Variants in ADAMTS12 observed in about 807,000 individuals in gnomAD.
ADAMTS12 encodes the protein A disintegrin and metalloproteinase with thrombospondin motifs 12.
A neutral mutation model predicts 167.8 loss-of-function variants in ADAMTS12; 118 were observed. The ratio of observed to expected loss-of-function variants is 0.70; its 90% confidence interval spans 0.61 to 0.82. ADAMTS12 has a LOEUF of 0.82. Among genes scored for constraint, ADAMTS12 ranks in the 40% least tolerant of loss-of-function variants. ADAMTS12 has a pLI of 0.00. For missense variants in ADAMTS12, 1,916 were observed against 1,998.8 expected (o/e 0.96, Z 0.79); for synonymous variants, 704 against 716.9 (o/e 0.98, Z 0.29).
intron 2 of ADAMTS12, among the ~76,000 whole-genome samples, chr5:33,808,656 A>G (rs1747331225): frequency 6.6e-6 from 1 of 152,258 alleles, no homozygotes. Flanking sequence ...CATAATTTGT[A>G]TAAGCATGTC....
chr5:33,864,982 GT>G (rs1173304206), intron 2 of ADAMTS12, among the ~76,000 whole-genome samples: 4 of 151,494 alleles, frequency 2.6e-5, no homozygotes, highest in African/African-American at 9.7e-5. Context: ...AGAACTTAAA[GT>G]ATTAAATAAA....
In ADAMTS12 at chr5:33,683,982, G is replaced by T. The variant is rs556992940; in HGVS notation, c.708C>A (p.Ser236Arg). The T allele has an allele frequency of 6.2e-7, 1 of 1,611,828 alleles. No homozygotes were observed. Among genetic ancestry groups the T allele is most frequent in the African/African-American group, 1.3e-5 (1 of 74,868 alleles). The change falls in exon 4 of 24, where the codon AGC (serine) becomes AGA (arginine). Residue 236 changes from serine to arginine, a missense_variant. Transcript: ENST00000504830. ...CCTTGCTGATGGAACGCCGAGAGAGGCTTCTGCTTGGCAAGTTGTGCCTCT... is the reference window on the plus strand; with the variant it reads ...CCTTGCTGATGGAACGCCGAGAGAGTCTTCTGCTTGGCAAGTTGTGCCTCT... ...KWERHNLPSR[S>R]LSRRSISKER...
intron 3 of ADAMTS12, among the ~76,000 whole-genome samples, chr5:33,747,057 C>A (rs2112383043): frequency 6.6e-6 from 1 of 152,298 alleles, no homozygotes; most frequent in South Asian, 2.1e-4. Flanking sequence ...TCTGATTGAA[C>A]CCCTGACTGG....
At chr5:33,667,594 ACT>A (rs1191426330) in intron 5 of ADAMTS12, among the ~76,000 whole-genome samples, 1 of 152,116 alleles carries the variant, frequency 6.6e-6, no homozygotes, top group Non-Finnish European at 1.5e-5. Context: ...CTGAAAACAA[ACT>A]CTGTTTAGAG....
intron 5 of ADAMTS12, among the ~76,000 whole-genome samples, chr5:33,681,813 T>A (rs1742130248): frequency 6.6e-6 from 1 of 151,920 alleles, no homozygotes; most frequent in Non-Finnish European, 1.5e-5. Flanking sequence ...ACAGTGAGTA[T>A]GAGAGTAGGA....
intron 3 of ADAMTS12, among the ~76,000 whole-genome samples, chr5:33,684,594 C>T (rs4406136): frequency 1 from 151,820 of 152,338 alleles, 75,656 homozygotes; most frequent in Non-Finnish European, 1. Flanking sequence ...TACATCACAC[C>T]GTTTCCAACA....
chr5:33,760,918 T>C lies in ADAMTS12; in HGVS notation c.490-9370A>G, dbSNP rs866357916. Among the ~76,000 whole-genome samples the C allele has an allele frequency of 2.4e-3, 328 of 134,760 alleles. 5 individuals are homozygous for C. Among genetic ancestry groups the C allele is most frequent in the South Asian group, 0.011 (45 of 4,140 alleles). 88.4% of individuals were successfully genotyped at this position (134,760 alleles called of 152,430 possible). On this transcript the variant is annotated intron_variant, in intron 2 of 23. Transcript: ENST00000504830. ...GTGTGTGTGTGTGTGTGTGTGTGTG[T>C]GTGCGTATGCGCTTCTAAGCAGCAA...
In ADAMTS12 at chr5:33,577,064, G is replaced by T; in HGVS notation, c.2962C>A (p.Arg988=). The T allele has an allele frequency of 6.2e-7, 1 of 1,614,166 alleles. No individual in the cohort carries two copies. The highest frequency in any genetic ancestry group is 1.1e-5 in the South Asian group (1 of 91,084). The part of the protein sequence containing the change: ...PCDVTRKPNS[R]ALCGLQQCPS... ...CATTGCTGGAGGCCACACAGAGCTC[G>T]GCTGTTGGGTTTCCTTGTCACATCG... Residue 988 remains arginine, a synonymous_variant, in exon 19 of 24, where the codon CGA becomes AGA. Coordinates refer to ENST00000504830, the MANE Select transcript of ADAMTS12 (RefSeq NM_030955.4).
rs1048209911 is a variant in ADAMTS12 at position 33,721,226 on chromosome 5, T to C, written c.634+30178A>G. ...GCTCTGGGGAGAGGGATGACTAGAA[T>C]AAAGAGGCCCCGGAGAGTCTTCTGG... On this transcript the variant is annotated intron_variant, in intron 3 of 23. Transcript: ENST00000504830. 2.0e-5 allele frequency among the ~76,000 whole-genome samples: 3 copies of C among 152,190 alleles called. No homozygotes were observed. In the South Asian group the frequency reaches 6.2e-4, roughly 32 times the overall value.
Position 33,604,147 on chromosome 5 carries a change from T to A in ADAMTS12, c.2528-8087A>T, listed in dbSNP as rs148028049. Among the ~76,000 whole-genome samples the A allele has an allele frequency of 5.1e-4, 78 of 152,254 alleles. No homozygotes were observed. In the East Asian group the frequency reaches 0.013, roughly 25 times the overall value. On this transcript the variant is annotated intron_variant, in intron 16 of 23. Transcript: ENST00000504830. ...GCATATTAATAGATATAAAACAAGA[T>A]CATCTCAGAAGATACAGAAAAATAT...
chr5:33,787,192 T>G (rs78229630), intron 2 of ADAMTS12, among the ~76,000 whole-genome samples: 1,682 of 152,268 alleles, frequency 0.011, 26 homozygotes, highest in African/African-American at 0.039. Flanking sequence ...AAAAAAGCAT[T>G]TGTAGTCACC....
At chr5:33,565,396 C>A (rs915624357) in intron 19 of ADAMTS12, among the ~76,000 whole-genome samples, 1 of 152,234 alleles carries the variant, frequency 6.6e-6, no homozygotes, top group African/African-American at 2.4e-5. Context: ...AAGTGATCCA[C>A]CTGCCTCAGC....
At chr5:33,887,084 T>C (rs1750663379) in intron 1 of ADAMTS12, among the ~76,000 whole-genome samples, 2 of 152,194 alleles carry the variant, frequency 1.3e-5, no homozygotes, top group South Asian at 2.1e-4. Context: ...CTAAGATTAG[T>C]TTGGCAGATT....
At chr5:33,653,463 G>T (rs770100258) in intron 7 of ADAMTS12, among the ~76,000 whole-genome samples, 2 of 151,938 alleles carry the variant, frequency 1.3e-5, no homozygotes, top group African/African-American at 2.4e-5. Context: ...GAAGGATATT[G>T]TTCTTTAGTT....
At chr5:33,800,354 A>G (rs1329588233) in intron 2 of ADAMTS12, among the ~76,000 whole-genome samples, 1 of 152,222 alleles carries the variant, frequency 6.6e-6, no homozygotes, top group African/African-American at 2.4e-5. Context: ...ATGACAAATA[A>G]AAATCAGGAC....
At chr5:33,887,425 C>G (rs1374349455) in intron 1 of ADAMTS12, among the ~76,000 whole-genome samples, 2 of 152,142 alleles carry the variant, frequency 1.3e-5, no homozygotes, top group African/African-American at 4.8e-5. Context: ...TGTCACCTAG[C>G]ACAGATGTCA....
At chr5:33,730,053 G>A (rs1177289464) in intron 3 of ADAMTS12, among the ~76,000 whole-genome samples, 1 of 152,172 alleles carries the variant, frequency 6.6e-6, no homozygotes, top group Non-Finnish European at 1.5e-5. Context: ...TACATTAGAA[G>A]GCTTCTTTCT....
Position 33,780,574 on chromosome 5 carries a change from T to A in ADAMTS12, c.490-29026A>T, listed in dbSNP as rs921239155. ...ATAAGCTAAGGTGGTTCAGGTAGAT[T>A]GACGCAAAAAGAAATGGAGTTGGGC... is the stretch of plus-strand genomic sequence containing the variant. On this transcript the variant is annotated intron_variant, in intron 2 of 23. Coordinates refer to ENST00000504830, the MANE Select transcript of ADAMTS12 (RefSeq NM_030955.4). Among the ~76,000 whole-genome samples the A allele has an allele frequency of 3.9e-5, 6 of 152,180 alleles. No individual in the cohort carries two copies. In the South Asian group the frequency reaches 1.0e-3, roughly 26 times the overall value.
chr5:33,744,815 T>G (rs1478966371), intron 3 of ADAMTS12, among the ~76,000 whole-genome samples: 1 of 152,224 alleles, frequency 6.6e-6, no homozygotes, highest in African/African-American at 2.4e-5. Context: ...GTTTTCTTTC[T>G]TTCATTTTTT....
Sources: allele counts gnomAD v4.1 joint callset (sites outside exome capture counted in the v4.1 genomes callset), GRCh38; gene constraint gnomAD v4.1.1; transcripts MANE v1.5; gene names NCBI Gene and HGNC (gene_info 2026-07-23, HGNC 2026-07-21).